Variants in RBMS3 observed in about 807,000 individuals in gnomAD.
The protein encoded by RBMS3 is RNA binding motif single stranded interacting protein 3.
In RBMS3, 27 loss-of-function variants were observed where a neutral mutation model predicts 66.8. The observed-to-expected ratio is 0.40, with a 90% CI of 0.30 to 0.56. The LOEUF is 0.56. Ranked by LOEUF, RBMS3 falls within the 20% of genes least tolerant of loss-of-function variation. The pLI is 0.40. For missense variants in RBMS3, 513 were observed against 549.5 expected (o/e 0.93, Z 0.66); for synonymous variants, 188 against 183.0 (o/e 1.03, Z -0.22).
intron 4 of RBMS3, among the ~76,000 whole-genome samples, chr3:29,651,742 A>T (rs1472515178): frequency 6.6e-6 from 1 of 152,156 alleles, no homozygotes; most frequent in Non-Finnish European, 1.5e-5. Flanking sequence ...ACTACAACTT[A>T]GTTTCTCCCA....
At chr3:29,715,290 A>T (rs2053343903) in intron 4 of RBMS3, among the ~76,000 whole-genome samples, 1 of 152,188 alleles carries the variant, frequency 6.6e-6, no homozygotes, top group Non-Finnish European at 1.5e-5. Context: ...ATTTGCCAGC[A>T]GCTCGGTGAT....
chr3:29,775,234 C>A (rs1011677577), intron 6 of RBMS3, among the ~76,000 whole-genome samples: 1 of 147,772 alleles, frequency 6.8e-6, no homozygotes, highest in Non-Finnish European at 1.5e-5. Flanking sequence ...TGAGTTCTAC[C>A]AGTTTTTTTT....
At position 29,868,791 on chromosome 3, in the gene RBMS3, G is replaced by T. The variant is rs1159435302; in HGVS notation, c.638-67G>T. On this transcript the variant is annotated intron_variant, in intron 6 of 14. Coordinates refer to ENST00000383767, the MANE Select transcript of RBMS3 (RefSeq NM_001003793.3). ...GATACTCATTACAAAGCACTACTGT[G>T]ACTCACATAATCACTTAGTTTTTAA... 7 of 1,305,064 alleles carry T rather than the reference G, an allele frequency of 5.4e-6. No individual in the cohort carries two copies. In the Admixed American group the frequency reaches 1.0e-4, roughly 19 times the overall value. 80.8% of individuals were successfully genotyped at this position (1,305,064 alleles called of 1,614,324 possible). A position where few individuals can be genotyped will look rare whatever the true frequency, so the allele number is the denominator to read the frequency against.
At chr3:29,676,281 G>A (rs1028046838) in intron 4 of RBMS3, among the ~76,000 whole-genome samples, 1 of 152,162 alleles carries the variant, frequency 6.6e-6, no homozygotes, top group African/African-American at 2.4e-5. Context: ...GTCGTGGAGT[G>A]GGGGAAGGGG....
chr3:29,592,330 T>TA (rs1329016944), intron 4 of RBMS3, among the ~76,000 whole-genome samples: 1 of 151,602 alleles, frequency 6.6e-6, no homozygotes, highest in Non-Finnish European at 1.5e-5. Flanking sequence ...AACAACCTCA[T>TA]AAAAAAAGTG....
intron 3 of RBMS3, among the ~76,000 whole-genome samples, chr3:29,554,529 A>C (rs2046281127): frequency 6.6e-6 from 1 of 152,234 alleles, no homozygotes; most frequent in Non-Finnish European, 1.5e-5. Flanking sequence ...GTAAATAAGT[A>C]TCCACAAAAT....
intron 4 of RBMS3, among the ~76,000 whole-genome samples, chr3:29,676,241 C>T (rs1009363195): frequency 2.6e-4 from 40 of 151,946 alleles, no homozygotes; most frequent in African/African-American, 7.3e-4. Flanking sequence ...CACTTGGACA[C>T]AGGGTGGGGA....
At chr3:29,882,679 A>G (rs553759143) in intron 7 of RBMS3, among the ~76,000 whole-genome samples, 1 of 152,244 alleles carries the variant, frequency 6.6e-6, no homozygotes, top group African/African-American at 2.4e-5. Context: ...TATACTGTAC[A>G]TCAGGCCCTC....
chr3:29,346,455 A>T (rs4680823), intron 1 of RBMS3, among the ~76,000 whole-genome samples: 25,509 of 135,146 alleles, frequency 0.19, 2,397 homozygotes, highest in Admixed American at 0.27. Context: ...CCAGGCTGGA[A>T]TGTAGTGGCG....
At chr3:29,496,213 A>G (rs1222338442) in intron 3 of RBMS3, among the ~76,000 whole-genome samples, 2 of 147,306 alleles carry the variant, frequency 1.4e-5, no homozygotes, top group East Asian at 2.0e-4. Flanking sequence ...AAAAAAAAAA[A>G]GAAAAAAAGA....
At chr3:29,889,109 A>C (rs944782978) in intron 8 of RBMS3, among the ~76,000 whole-genome samples, 5 of 151,694 alleles carry the variant, frequency 3.3e-5, no homozygotes, top group African/African-American at 1.2e-4. Flanking sequence ...ACAGAACTTC[A>C]TAATTTGGTT....
intron 6 of RBMS3, among the ~76,000 whole-genome samples, chr3:29,859,500 A>C (rs1007985454): frequency 3.3e-5 from 5 of 152,242 alleles, no homozygotes; most frequent in Non-Finnish European, 2.9e-5. Flanking sequence ...CAAATTAGCA[A>C]GCAATTCGTT....
intron 4 of RBMS3, among the ~76,000 whole-genome samples, chr3:29,591,301 C>T (rs1482028929): frequency 6.6e-6 from 1 of 152,134 alleles, no homozygotes; most frequent in Non-Finnish European, 1.5e-5. Flanking sequence ...GCCCATGGCT[C>T]CTCCTCATAG....
chr3:29,368,762 G>C (rs141173181), intron 1 of RBMS3, among the ~76,000 whole-genome samples: 1 of 152,068 alleles, frequency 6.6e-6, no homozygotes, highest in Non-Finnish European at 1.5e-5. Flanking sequence ...AAAACAGTGT[G>C]GTGATTCCTC....
chr3:29,596,316 G>A (rs182327576), intron 4 of RBMS3, among the ~76,000 whole-genome samples: 29 of 152,256 alleles, frequency 1.9e-4, no homozygotes, highest in Middle Eastern at 3.4e-3. Flanking sequence ...ACAGACTACC[G>A]AGGTTCACGG....
chr3:29,388,621 C>G (rs1055458269), intron 1 of RBMS3, among the ~76,000 whole-genome samples: 9 of 152,208 alleles, frequency 5.9e-5, no homozygotes, highest in African/African-American at 2.2e-4. Flanking sequence ...GTCGCACAGG[C>G]TGGAGTGCAG....
intron 14 of RBMS3, among the ~76,000 whole-genome samples, chr3:29,996,931 G>A (rs1317316350): frequency 1.1e-4 from 17 of 151,620 alleles, no homozygotes; most frequent in South Asian, 2.1e-4. Flanking sequence ...GCAGAACTGA[G>A]GGAAATAGAG....
chr3:29,472,084 C>T (rs1382865353), intron 2 of RBMS3, among the ~76,000 whole-genome samples: 3 of 151,942 alleles, frequency 2.0e-5, no homozygotes, highest in African/African-American at 7.3e-5. Context: ...TTGTACTAAT[C>T]GTCAGTGTAT....
chr3:29,695,214 G>T (rs1052256185), intron 4 of RBMS3, among the ~76,000 whole-genome samples: 7 of 152,042 alleles, frequency 4.6e-5, no homozygotes, highest in African/African-American at 1.7e-4. Flanking sequence ...GTCTTGCAAA[G>T]ATCTAGTATA....
Sources: gnomAD v4.1 joint callset for allele counts (sites outside exome capture counted in the v4.1 genomes callset) on GRCh38, gnomAD v4.1.1 for gene constraint, MANE v1.5 for transcripts, NCBI Gene and HGNC (gene_info 2026-07-23, HGNC 2026-07-21) for gene names.